ITGA8: variants seen among roughly 807,000 people sequenced by gnomAD.
ITGA8 encodes integrin alpha-8.
Under a neutral mutation model 142.3 loss-of-function variants are expected in ITGA8, and 91 were observed. The ratio of observed to expected loss-of-function variants is 0.64; its 90% confidence interval spans 0.54 to 0.76. ITGA8 has a LOEUF of 0.76. Ranked by LOEUF, ITGA8 falls within the 30% of genes least tolerant of loss-of-function variation. ITGA8 has a pLI of 0.00. For missense variants in ITGA8, 1,406 were observed against 1,327.7 expected, an observed-to-expected ratio of 1.06 and a Z score of -0.92; for synonymous variants, 505 against 485.2, an observed-to-expected ratio of 1.04 and a Z score of -0.54.
intron 23 of ITGA8, among the ~76,000 whole-genome samples, chr10:15,579,736 C>G (rs1834368806): frequency 6.6e-6 from 1 of 151,814 alleles, no homozygotes; most frequent in South Asian, 2.1e-4. Flanking sequence ...TCGAGATTAG[C>G]TCCAAATATC....
In ITGA8 at chr10:15,558,078, A is replaced by G. The variant is rs373750835; in HGVS notation, c.2762T>C (p.Ile921Thr). 2.7e-5 allele frequency: 43 copies of G among 1,613,834 alleles called. No individual in the cohort carries two copies. The highest frequency in any genetic ancestry group is 3.2e-5 in the Non-Finnish European group (38 of 1,180,030). ...VEFHRQSPAKILNCTNIECLQ... is the reference protein window; with the variant it reads ...VEFHRQSPAKTLNCTNIECLQ... The stretch of plus-strand genomic sequence containing the variant: ...ATGCACACTGGGATAACTCACCAGT[A>G]TTTTTGCAGGGCTCTGTCTGTGGAA... The change falls in exon 26 of 30, where the codon ATA (isoleucine) becomes ACA (threonine). Residue 921 changes from isoleucine (I) to threonine (T), a missense_variant. Transcript: ENST00000378076.
chr10:15,683,316 CCCACCCA>C (rs1834776123), intron 4 of ITGA8, among the ~76,000 whole-genome samples: 6 of 142,124 alleles, frequency 4.2e-5, no homozygotes, highest in African/African-American at 8.2e-5. Context: ...CACCCACCCA[CCCACCCA>C]CCCACCCATC....
intron 24 of ITGA8, among the ~76,000 whole-genome samples, chr10:15,573,678 C>T (rs1197007574): frequency 6.6e-6 from 1 of 151,730 alleles, no homozygotes; most frequent in East Asian, 1.9e-4. Flanking sequence ...TATTCATGTC[C>T]CTTGTAGCTC....
intron 2 of ITGA8, among the ~76,000 whole-genome samples, chr10:15,718,359 C>A (rs139170027): frequency 2.0e-5 from 3 of 152,182 alleles, no homozygotes; most frequent in African/African-American, 4.8e-5. Context: ...GCCTCCCGAG[C>A]TTGGGCACTG....
chr10:15,685,614 A>G (rs898500469), intron 3 of ITGA8, among the ~76,000 whole-genome samples: 2 of 152,176 alleles, frequency 1.3e-5, no homozygotes, highest in Non-Finnish European at 2.9e-5. Context: ...CATATCAGAA[A>G]CTGATTTGAT....
Position 15,718,886 on chromosome 10 carries a change from C to G in ITGA8, c.223G>C (p.Val75Leu). The change falls in exon 2 of 30, where the codon GTG becomes CTG. Residue 75 changes from valine to leucine, a missense_variant. Coordinates refer to ENST00000378076, the MANE Select transcript of ITGA8 (RefSeq NM_003638.3). ...CTGGTGTTGGCTTTGGGCGCCCCCA[C>G]CAAGACACTCGCTCTGCAAAAGAGT... is the stretch of plus-strand genomic sequence containing the variant. ...IPDARTASVL[V>L]GAPKANTSQP... The G allele has an allele frequency of 6.2e-7, 1 of 1,614,098 alleles. No individual in the cohort carries two copies. The highest frequency in any genetic ancestry group is 8.5e-7 in the Non-Finnish European group (1 of 1,180,030).
At chr10:15,667,564 T>G (rs1316703063) in intron 8 of ITGA8, among the ~76,000 whole-genome samples, 8 of 152,194 alleles carry the variant, frequency 5.3e-5, no homozygotes, top group Non-Finnish European at 1.2e-4. Flanking sequence ...CTGCTAGGTT[T>G]TGAATGTGTT....
intron 2 of ITGA8, among the ~76,000 whole-genome samples, chr10:15,694,295 C>CATATATATGATAAT (rs1240109986): frequency 3.2e-5 from 4 of 124,010 alleles, no homozygotes; most frequent in South Asian, 2.3e-4. Flanking sequence ...GATAATATAT[C>CATATATATGATAAT]ATATATATGA....
At chr10:15,626,417 C>T (rs1833583405) in intron 13 of ITGA8, among the ~76,000 whole-genome samples, 2 of 152,114 alleles carry the variant, frequency 1.3e-5, no homozygotes, top group South Asian at 4.1e-4. Flanking sequence ...CACAGGGTTT[C>T]ACCATTTTGG....
chr10:15,618,600 C>T (rs1416107840), intron 13 of ITGA8, among the ~76,000 whole-genome samples: 1 of 152,096 alleles, frequency 6.6e-6, no homozygotes, highest in Admixed American at 6.6e-5. Flanking sequence ...TGGGAAAGGC[C>T]GACCCACCCT....
At chr10:15,539,336 G>A (rs1833521375) in intron 27 of ITGA8, among the ~76,000 whole-genome samples, 1 of 152,100 alleles carries the variant, frequency 6.6e-6, no homozygotes, top group Non-Finnish European at 1.5e-5. Context: ...TGTGTCCAAG[G>A]AGCATGGTGA....
At chr10:15,604,144 T>C in intron 20 of ITGA8, 64 bp downstream of exon 20, 2 of 1,469,274 alleles carry the variant, frequency 1.4e-6, no homozygotes, top group Non-Finnish European at 1.9e-6. Context: ...ATGGCCCTTC[T>C]TAACATTTAC....
At position 15,644,467 on chromosome 10, in the gene ITGA8, T is replaced by C. The variant is rs866304871; in HGVS notation, c.1208-246A>G. On this transcript the variant is annotated intron_variant, in intron 12 of 29. Transcript: ENST00000378076. ...ATATATATATATATATATATATATA[T>C]ATATATATATATATATATATATATA... Among the ~76,000 whole-genome samples, 9 of 18,258 alleles carry C rather than the reference T, an allele frequency of 4.9e-4. 3 individuals carry two copies. Among genetic ancestry groups the C allele is most frequent in the East Asian group, 9.3e-3 (2 of 214 alleles). 12.0% of individuals were successfully genotyped at this position (18,258 alleles called of 152,430 possible).
At chr10:15,620,814 A>G (rs1194150302) in intron 13 of ITGA8, among the ~76,000 whole-genome samples, 1 of 152,250 alleles carries the variant, frequency 6.6e-6, no homozygotes, top group Admixed American at 6.5e-5. Context: ...TTGTGTATGC[A>G]GCGTATCTGT....
chr10:15,711,680 C>A (rs1835366968), intron 2 of ITGA8, among the ~76,000 whole-genome samples: 1 of 151,920 alleles, frequency 6.6e-6, no homozygotes, highest in African/African-American at 2.4e-5. Context: ...TGCTATTACA[C>A]CTTTGGAGTC....
At chr10:15,653,168 A>G (rs533110003) in intron 11 of ITGA8, among the ~76,000 whole-genome samples, 1 of 152,114 alleles carries the variant, frequency 6.6e-6, no homozygotes, top group East Asian at 1.9e-4. Flanking sequence ...TTCCACAGGG[A>G]ACACTCCTTC....
intron 8 of ITGA8, among the ~76,000 whole-genome samples, chr10:15,670,536 A>C (rs1834492173): frequency 1.3e-5 from 2 of 152,212 alleles, no homozygotes; most frequent in East Asian, 3.8e-4. Context: ...TAGTCTTTGT[A>C]AAAGAGATAA....
At chr10:15,572,015 A>G (rs1834193971) in intron 25 of ITGA8, among the ~76,000 whole-genome samples, 196 bp downstream of exon 25, 1 of 152,226 alleles carries the variant, frequency 6.6e-6, no homozygotes, top group South Asian at 2.1e-4. Flanking sequence ...ACAAAACAAA[A>G]AGAAATTTAA....
Position 15,657,861 on chromosome 10 carries a change from A to C in ITGA8, c.948+1138T>G, listed in dbSNP as rs192244668. ...TATAAGTTACAAACACAAGGAATTC[A>C]TTTATTTTAAATTTGTCCTGCATTC... On this transcript the variant is annotated intron_variant, in intron 10 of 29. Coordinates refer to ENST00000378076, the MANE Select transcript of ITGA8 (RefSeq NM_003638.3). Among the ~76,000 whole-genome samples the C allele has an allele frequency of 9.8e-5, 15 of 152,332 alleles. No individual in the cohort carries two copies. In the East Asian group the frequency reaches 2.9e-3, roughly 29 times the overall value.
Sources: gnomAD v4.1 joint callset for allele counts (sites outside exome capture counted in the v4.1 genomes callset) on GRCh38, gnomAD v4.1.1 for gene constraint, MANE v1.5 for transcripts, NCBI Gene and HGNC (gene_info 2026-07-23, HGNC 2026-07-21) for gene names.